The following TENM1 variants were observed in gnomAD, a reference collection of about 807,000 sequenced individuals.
TENM1 encodes the protein teneurin-1.
In TENM1, 35 loss-of-function variants were observed where a neutral mutation model predicts 174.8. The observed-to-expected ratio is 0.20, with a 90% CI of 0.15 to 0.27. TENM1 has a LOEUF of 0.27. Ranked by LOEUF, TENM1 falls within the 10% of genes least tolerant of loss-of-function variation. The pLI is 1.00. For synonymous variants in TENM1, 781 were observed against 798.7 expected, an observed-to-expected ratio of 0.98 and a Z score of 0.37; for missense variants, 1,633 against 2,130.1, an observed-to-expected ratio of 0.77 and a Z score of 4.59.
chrX:124,952,925 T>C (rs781191090), intron 1 of TENM1, among the ~76,000 whole-genome samples: 10 of 111,910 alleles, frequency 8.9e-5, no homozygotes, highest in South Asian at 3.7e-4. Context: ...AGAATTCTCA[T>C]CTTTTGGTAT....
At chrX:125,019,605 T>C in the TENM1 span, among the ~76,000 whole-genome samples, 1 of 110,963 alleles carries the variant, frequency 9.0e-6, no homozygotes, top group Admixed American at 9.7e-5. Context: ...AATTACAGTA[T>C]GGTTTAAGAT....
intron 20 of TENM1, among the ~76,000 whole-genome samples, chrX:124,491,289 T>A (rs1360142882): frequency 9.0e-6 from 1 of 111,549 alleles, no homozygotes; most frequent in East Asian, 2.8e-4. Context: ...ATGGGCACAA[T>A]TTTGGACCTG....
At chrX:124,615,710 G>GAT (rs1055843481) in intron 11 of TENM1, among the ~76,000 whole-genome samples, 5 of 111,135 alleles carry the variant, frequency 4.5e-5, no homozygotes, top group Non-Finnish European at 7.6e-5. Flanking sequence ...TTAGTAGTGA[G>GAT]ATATATATAT....
At chrX:124,598,799 T>C (rs1220976002) in intron 11 of TENM1, among the ~76,000 whole-genome samples, 2 of 111,060 alleles carry the variant, frequency 1.8e-5, no homozygotes, top group Non-Finnish European at 3.8e-5. Flanking sequence ...GGTTAGTGGG[T>C]ACAAAATAAT....
chrX:125,169,443 T>C, the TENM1 span, among the ~76,000 whole-genome samples: 2 of 111,769 alleles, frequency 1.8e-5, no homozygotes, highest in Non-Finnish European at 3.8e-5. Flanking sequence ...CACACATGGC[T>C]GGTATAAATC....
chrX:124,874,981 T>C (rs1274472324), intron 3 of TENM1, among the ~76,000 whole-genome samples: 2 of 111,670 alleles, frequency 1.8e-5, no homozygotes, highest in African/African-American at 6.5e-5. Context: ...CATTATATTA[T>C]GTTTTTCCCC....
rs754684502 is a variant in TENM1, at chrX:124,490,122, A to C, written c.3696-2893T>G. Among the ~76,000 whole-genome samples, 9 of 112,144 alleles carry C rather than the reference A, an allele frequency of 8.0e-5. No individual in the cohort carries two copies. In the Admixed American group the frequency reaches 8.5e-4, roughly 11 times the overall value. ...TGCTTTTAGCTTGATGAGCCATTCT[A>C]AAAGAGGTTCATGTTTTCGGAAATC... On this transcript the variant is annotated intron_variant, in intron 20 of 31. Coordinates refer to ENST00000422452, the Ensembl canonical transcript of TENM1.
chrX:124,832,748 T>C (rs758014258), intron 3 of TENM1, among the ~76,000 whole-genome samples: 1 of 111,378 alleles, frequency 9.0e-6, no homozygotes, highest in Non-Finnish European at 1.9e-5. Context: ...CTAATTTTTG[T>C]ATTTTTTGTA....
chrX:125,044,212 TAAAAAAAAAATA>T, the TENM1 span, among the ~76,000 whole-genome samples: 151 of 74,848 alleles, frequency 2.0e-3, no homozygotes, highest in Non-Finnish European at 2.5e-3. Flanking sequence ...TAAAAAAAAA[TAAAAAAAAAATA>T]AAAAAAAAAG....
chrX:124,859,329 G>A (rs766736776), intron 3 of TENM1, among the ~76,000 whole-genome samples: 238 of 110,255 alleles, frequency 2.2e-3, no homozygotes, highest in Non-Finnish European at 3.8e-3. Context: ...TGGATCATGA[G>A]GTCAGGAGTT....
At chrX:124,570,856 G>C (rs913113840) in intron 11 of TENM1, among the ~76,000 whole-genome samples, 2 of 111,419 alleles carry the variant, frequency 1.8e-5, no homozygotes, top group African/African-American at 6.5e-5. Flanking sequence ...TATTAAGACT[G>C]AGAAAAGATG....
chrX:124,809,793 A>C (rs965159908), intron 3 of TENM1, among the ~76,000 whole-genome samples: 1 of 107,570 alleles, frequency 9.3e-6, no homozygotes, highest in Non-Finnish European at 1.9e-5. Flanking sequence ...ATAAACTTAC[A>C]ATCATGGTAG....
At chrX:124,663,102 C>T (rs2051654614) in intron 6 of TENM1, among the ~76,000 whole-genome samples, 2 of 111,775 alleles carry the variant, frequency 1.8e-5, no homozygotes, top group South Asian at 3.7e-4. Flanking sequence ...TCTTTCAACT[C>T]AACTTTTTAA....
the TENM1 span, among the ~76,000 whole-genome samples, chrX:125,090,795 T>C: frequency 2.0e-5 from 2 of 98,604 alleles, no homozygotes; most frequent in Non-Finnish European, 4.0e-5. Flanking sequence ...GTCCAGAAGG[T>C]GGGTAAGATA....
chrX:124,627,516 G>T (rs1268809884), intron 11 of TENM1, among the ~76,000 whole-genome samples: 2 of 111,766 alleles, frequency 1.8e-5, no homozygotes, highest in Non-Finnish European at 3.8e-5. Flanking sequence ...GTTACACAAG[G>T]TATGGATTTG....
At chrX:125,061,594 A>G in the TENM1 span, among the ~76,000 whole-genome samples, 1 of 112,024 alleles carries the variant, frequency 8.9e-6, no homozygotes, top group East Asian at 2.8e-4. Context: ...GGGTAGCTGT[A>G]TGTGCAGAAG....
chrX:124,753,433 A>G (rs1256467605), intron 3 of TENM1, among the ~76,000 whole-genome samples: 1 of 103,180 alleles, frequency 9.7e-6, no homozygotes, highest in Non-Finnish European at 2.0e-5. Flanking sequence ...GTCATCTGCA[A>G]ACAGGGACAA....
In TENM1 at chrX:124,568,277, G is replaced by T. The variant is rs1219249428; in HGVS notation, c.2078-2717C>A. 2.7e-5 allele frequency among the ~76,000 whole-genome samples: 3 copies of T among 111,107 alleles called. No homozygotes were observed. The East Asian group carries it at 8.5e-4, about 31-fold the overall frequency. ...AAGTCCACAAGGAAAAAAGAGATGAGGTCTTGGCACCATTTCAGATGGAGT... is the reference window on the plus strand; with the variant it reads ...AAGTCCACAAGGAAAAAAGAGATGATGTCTTGGCACCATTTCAGATGGAGT... On this transcript the variant is annotated intron_variant, in intron 11 of 31. Coordinates refer to ENST00000422452, the Ensembl canonical transcript of TENM1.
In TENM1 at chrX:124,405,632, G is replaced by A. The variant is rs142895151; in HGVS notation, c.5156-366C>T. ...GAATGAGAAGAGTGTGAAGTTCAAC[G>A]TAGCACCTTACCACCTGGGCCCACC... On this transcript the variant is annotated intron_variant, in intron 26 of 31. Transcript: ENST00000422452. Among the ~76,000 whole-genome samples the A allele has an allele frequency of 3.4e-3, 378 of 110,754 alleles. 4 individuals carry two copies. The highest frequency in any genetic ancestry group is 0.012 in the African/African-American group (356 of 30,394).
Sources: gnomAD v4.1 joint callset for allele counts (sites outside exome capture counted in the v4.1 genomes callset) on GRCh38, gnomAD v4.1.1 for gene constraint, MANE v1.5 for transcripts, NCBI Gene and HGNC (gene_info 2026-07-23, HGNC 2026-07-21) for gene names.